The following NRG1 variants were observed in gnomAD, a reference collection of about 807,000 sequenced individuals.
NRG1 encodes neuregulin 1.
Under a neutral mutation model 63.8 loss-of-function variants are expected in NRG1, and 18 were observed. The observed-to-expected ratio is 0.28, with a 90% confidence interval of 0.19 to 0.42. The LOEUF (loss-of-function observed/expected upper bound fraction) is 0.42, where lower values mean the gene tolerates loss of function less well. NRG1 is among the 10% of genes least tolerant of loss of function. The pLI, the probability that NRG1 is intolerant of heterozygous loss-of-function variation, is 1.00. For synonymous variants in NRG1, 302 were observed against 301.3 expected (o/e 1.00, Z -0.02); for missense variants, 762 against 814.7 (o/e 0.94, Z 0.79).
chr8:32,657,644 A>G (rs1185617269), intron 5 of NRG1, among the ~76,000 whole-genome samples: 1 of 152,222 alleles, frequency 6.6e-6, no homozygotes, highest in East Asian at 1.9e-4. Context: ...AGCTCCATAC[A>G]TAAATGGAAT....
intron 1 of NRG1, among the ~76,000 whole-genome samples, chr8:32,561,056 G>A (rs1295564625): frequency 6.6e-6 from 1 of 152,292 alleles, no homozygotes; most frequent in African/African-American, 2.4e-5. Flanking sequence ...GAGGTCATCT[G>A]CTCGAATCTC....
chr8:31,751,083 G>A (rs920304952), intron 1 of NRG1, among the ~76,000 whole-genome samples: 2 of 151,966 alleles, frequency 1.3e-5, no homozygotes, highest in East Asian at 1.9e-4. Context: ...ATAGATTAAG[G>A]CAGCAGTATT....
At chr8:31,877,715 G>A (rs1830036603) in intron 1 of NRG1, among the ~76,000 whole-genome samples, 1 of 152,026 alleles carries the variant, frequency 6.6e-6, no homozygotes, top group Admixed American at 6.5e-5. Flanking sequence ...CTTGACAGCG[G>A]CAGTGTTCCA....
intron 1 of NRG1, among the ~76,000 whole-genome samples, chr8:31,849,683 G>C (rs1310152671): frequency 6.6e-6 from 1 of 152,082 alleles, no homozygotes; most frequent in Non-Finnish European, 1.5e-5. Flanking sequence ...TCCATCACAG[G>C]GTGACGATGG....
chr8:32,575,665 A>G (rs1304699785), intron 1 of NRG1, among the ~76,000 whole-genome samples: 1 of 152,228 alleles, frequency 6.6e-6, no homozygotes, highest in Non-Finnish European at 1.5e-5. Context: ...ATAAGTATAA[A>G]GTAGGAAATT....
chr8:32,611,279 A>T (rs1465722342), intron 3 of NRG1, among the ~76,000 whole-genome samples: 2 of 152,068 alleles, frequency 1.3e-5, no homozygotes, highest in Non-Finnish European at 2.9e-5. Context: ...TATTATTTTT[A>T]TAAAATTTAA....
At chr8:31,641,418 C>T (rs1175505906) in intron 1 of NRG1, among the ~76,000 whole-genome samples, 1 of 151,744 alleles carries the variant, frequency 6.6e-6, no homozygotes, top group Non-Finnish European at 1.5e-5. Context: ...TTCACTGCAT[C>T]AGAACAGATG....
chr8:32,194,886 T>A (rs1451449339), intron 1 of NRG1, among the ~76,000 whole-genome samples: 6 of 152,070 alleles, frequency 3.9e-5, no homozygotes, highest in African/African-American at 1.4e-4. Flanking sequence ...GAAAAAAAAA[T>A]TGTAACATAC....
chr8:32,366,703 ATATAT>A (rs1563367122), intron 1 of NRG1, among the ~76,000 whole-genome samples: 2 of 56,442 alleles, frequency 3.5e-5, no homozygotes, highest in African/African-American at 1.1e-4. Flanking sequence ...ATATATATAT[ATATAT>A]ATATATCTCA....
At chr8:32,484,430 A>ATCT (rs1457389160) in intron 1 of NRG1, among the ~76,000 whole-genome samples, 2 of 152,246 alleles carry the variant, frequency 1.3e-5, no homozygotes, top group South Asian at 2.1e-4. Flanking sequence ...CAGATCACTG[A>ATCT]TGAAATGTGA....
intron 1 of NRG1, among the ~76,000 whole-genome samples, chr8:32,249,243 T>C (rs564117224): frequency 1.3e-5 from 2 of 152,228 alleles, no homozygotes; most frequent in South Asian, 4.1e-4. Context: ...GCTGAAATTG[T>C]AGGTGCATGC....
chr8:32,275,761 A>C (rs1479215177), intron 1 of NRG1, among the ~76,000 whole-genome samples: 1 of 151,988 alleles, frequency 6.6e-6, no homozygotes, highest in Non-Finnish European at 1.5e-5. Flanking sequence ...TTGATTTAGA[A>C]GATCTGCGGC....
At chr8:31,802,520 T>A (rs1418094618) in intron 1 of NRG1, among the ~76,000 whole-genome samples, 1 of 152,154 alleles carries the variant, frequency 6.6e-6, no homozygotes, top group African/African-American at 2.4e-5. Context: ...AGAAAAATGG[T>A]TGATATCTAG....
Position 32,643,873 on chromosome 8 carries a change from A to G in NRG1, c.502+26988A>G, listed in dbSNP as rs141029708. Among the ~76,000 whole-genome samples the G allele has an allele frequency of 4.3e-3, 657 of 152,304 alleles. 3 individuals are homozygous for G. Among genetic ancestry groups the G allele is most frequent in the South Asian group, 0.015 (73 of 4,824 alleles). The stretch of plus-strand genomic sequence containing the variant: ...AAATTATATTAAGGTAATAATTCCT[A>G]TTTCATTGTTACATATTCTGGTTCT... On this transcript the variant is annotated intron_variant, in intron 5 of 11. Coordinates refer to ENST00000356819, the Ensembl canonical transcript of NRG1.
At chr8:32,530,079 T>C (rs1831285937) in intron 1 of NRG1, among the ~76,000 whole-genome samples, 1 of 152,132 alleles carries the variant, frequency 6.6e-6, no homozygotes, top group African/African-American at 2.4e-5. Flanking sequence ...CACTAGGTGA[T>C]AGGAATTTTT....
intron 5 of NRG1, among the ~76,000 whole-genome samples, chr8:32,713,611 TA>T (rs147503291): frequency 0.039 from 5,573 of 143,718 alleles, 151 homozygotes; most frequent in Middle Eastern, 0.13. Context: ...TGAGTAAGTT[TA>T]AAAAAAAAAA....
intron 1 of NRG1, among the ~76,000 whole-genome samples, chr8:32,433,694 T>G (rs941725697): frequency 1.2e-4 from 18 of 152,136 alleles, no homozygotes; most frequent in Non-Finnish European, 2.4e-4. Context: ...ACAATTCTCA[T>G]CTATGCAGCT....
chr8:31,804,415 A>G (rs1404087760), intron 1 of NRG1, among the ~76,000 whole-genome samples: 2 of 152,028 alleles, frequency 1.3e-5, no homozygotes, highest in Admixed American at 1.3e-4. Flanking sequence ...ATGGATAGGC[A>G]TTTTTTCTGT....
At chr8:31,892,243 C>A (rs920644810) in intron 1 of NRG1, among the ~76,000 whole-genome samples, 1 of 152,128 alleles carries the variant, frequency 6.6e-6, no homozygotes, top group Non-Finnish European at 1.5e-5. Flanking sequence ...ATCAGTTGAT[C>A]AAGCTGCTCT....
Sources: allele counts gnomAD v4.1 joint callset (sites outside exome capture counted in the v4.1 genomes callset), GRCh38; gene constraint gnomAD v4.1.1; transcripts MANE v1.5; gene names NCBI Gene and HGNC (gene_info 2026-07-23, HGNC 2026-07-21).